The following PCLO variants were observed in gnomAD, a reference collection of about 807,000 sequenced individuals.
PCLO encodes the protein protein piccolo.
In PCLO, 82 loss-of-function variants were observed where a neutral mutation model predicts 427.5. The ratio of observed to expected loss-of-function variants is 0.19; its 90% CI spans 0.16 to 0.23. The LOEUF is 0.23. PCLO is among the 10% of genes least tolerant of loss of function. PCLO has a pLI of 1.00. For synonymous variants in PCLO, 2,357 were observed against 2,155.4 expected (o/e 1.09, Z -2.59); for missense variants, 6,239 against 6,115.9 (o/e 1.02, Z -0.67).
intron 10 of PCLO, among the ~76,000 whole-genome samples, chr7:82,876,455 T>TACACACACACACAC (rs35270740): frequency 0.024 from 3,448 of 143,134 alleles, 149 homozygotes; most frequent in African/African-American, 0.086. Context: ...AAAACAAGTA[T>TACACACACACACAC]ACACACACAC....
intron 10 of PCLO, among the ~76,000 whole-genome samples, chr7:82,866,489 A>C (rs1793096085): frequency 6.6e-6 from 1 of 152,124 alleles, no homozygotes; most frequent in Non-Finnish European, 1.5e-5. Flanking sequence ...ACTAAAAAAA[A>C]CTTTGAAAAA....
chr7:83,079,122 T>C (rs1046816508), intron 3 of PCLO, among the ~76,000 whole-genome samples: 1 of 152,066 alleles, frequency 6.6e-6, no homozygotes, highest in African/African-American at 2.4e-5. Flanking sequence ...ATCAGAGCCA[T>C]ATATATGGAG....
chr7:83,115,782 C>T (rs1342264777), intron 3 of PCLO, among the ~76,000 whole-genome samples: 3 of 151,988 alleles, frequency 2.0e-5, no homozygotes, highest in Admixed American at 6.6e-5. Context: ...CTTGCCAGTA[C>T]TCCTTACTTT....
intron 3 of PCLO, among the ~76,000 whole-genome samples, chr7:82,977,178 A>G (rs1310944462): frequency 6.6e-6 from 1 of 151,990 alleles, no homozygotes; most frequent in African/African-American, 2.4e-5. Context: ...TTTCAATAAC[A>G]TCCTATTATA....
chr7:82,827,352 G>C (rs942571910), intron 17 of PCLO, among the ~76,000 whole-genome samples: 2 of 151,970 alleles, frequency 1.3e-5, no homozygotes, highest in Non-Finnish European at 2.9e-5. Flanking sequence ...TATCTCTGGT[G>C]ATAATCCTTT....
chr7:82,848,194 G>A (rs962637148), intron 10 of PCLO, among the ~76,000 whole-genome samples: 1 of 151,604 alleles, frequency 6.6e-6, no homozygotes, highest in Non-Finnish European at 1.5e-5. Flanking sequence ...TGTGAACTGG[G>A]TACAGTAGAT....
chr7:82,778,379 CAG>C (rs1449827582), intron 22 of PCLO, among the ~76,000 whole-genome samples: 1 of 152,126 alleles, frequency 6.6e-6, no homozygotes, highest in African/African-American at 2.4e-5. Flanking sequence ...GACCTTAAAA[CAG>C]AACTATCATT....
chr7:82,795,019 T>C (rs902729117), intron 22 of PCLO, among the ~76,000 whole-genome samples: 2 of 152,140 alleles, frequency 1.3e-5, no homozygotes, highest in African/African-American at 4.8e-5. Flanking sequence ...CTTAGGAAAT[T>C]GCCCCTCATA....
In PCLO at chr7:82,956,520, G is replaced by A. The variant is rs190809054; in HGVS notation, c.4433C>T (p.Thr1478Ile). 1.9e-6 allele frequency: 3 copies of A among 1,612,514 alleles called. No individual in the cohort carries two copies. The highest frequency in any genetic ancestry group is 2.5e-6 in the Non-Finnish European group (3 of 1,179,614). ...IKESQEERKD[T>I]FKKDSQQDIP... ...ATCTTGTTGGCTATCTTTTTTAAAA[G>A]TGTCTTTCCTTTCTTCTTGACTCTC... is the stretch of plus-strand genomic sequence containing the variant. Residue 1478 changes from threonine (T) to isoleucine (I), a missense_variant, in exon 5 of 25, where the codon ACT becomes ATT. Transcript: ENST00000333891.
intron 10 of PCLO, among the ~76,000 whole-genome samples, chr7:82,875,947 C>G (rs1317833476): frequency 6.6e-6 from 1 of 151,992 alleles, no homozygotes; most frequent in African/African-American, 2.4e-5. Context: ...AGAGTACACT[C>G]TAAGAATTCT....
At chr7:82,808,850 C>G (rs1194393906) in intron 20 of PCLO, among the ~76,000 whole-genome samples, 1 of 151,766 alleles carries the variant, frequency 6.6e-6, no homozygotes, top group Admixed American at 6.6e-5. Flanking sequence ...AGATATATAG[C>G]CTCACATTTG....
chr7:82,895,219 A>T (rs1793872656), intron 9 of PCLO, among the ~76,000 whole-genome samples: 1 of 152,044 alleles, frequency 6.6e-6, no homozygotes, highest in South Asian at 2.1e-4. Flanking sequence ...ATGTAAAAAC[A>T]TGTTTCTAAA....
chr7:82,931,919 A>T (rs977430287), intron 6 of PCLO, among the ~76,000 whole-genome samples: 1 of 152,114 alleles, frequency 6.6e-6, no homozygotes, highest in Non-Finnish European at 1.5e-5. Flanking sequence ...ATGTAACATG[A>T]ATTGATTTTA....
In PCLO at chr7:82,841,477, T is replaced by G. The variant is rs1307713334; in HGVS notation, c.14079A>C (p.Pro4693=). 12 of 1,599,714 alleles carry G rather than the reference T, an allele frequency of 7.5e-6. No individual in the cohort carries two copies. Among genetic ancestry groups the G allele is most frequent in the Non-Finnish European group, 1.0e-5 (12 of 1,167,688 alleles). ...TTCATACCTGAATTTCTCCTGTAAT[T>G]GGATGAGAGACAACCTTTGTTCCAT... ...PTDGTKVVSH[P]ITGEIQLQIN... The change falls in exon 14 of 25, where the codon CCA becomes CCC. Residue 4693 remains proline (P), a synonymous_variant. Transcript: ENST00000333891.
At chr7:83,073,882 A>C (rs1760011151) in intron 3 of PCLO, among the ~76,000 whole-genome samples, 1 of 151,372 alleles carries the variant, frequency 6.6e-6, no homozygotes, top group Non-Finnish European at 1.5e-5. Context: ...CTATATGTGG[A>C]GATTCCAGGT....
chr7:82,854,482 T>A (rs1792750105), intron 10 of PCLO, among the ~76,000 whole-genome samples: 2 of 152,134 alleles, frequency 1.3e-5, no homozygotes, highest in South Asian at 4.1e-4. Context: ...TCATTAAAAA[T>A]TTTAATGCAA....
chr7:82,920,808 G>A (rs1433733979), intron 6 of PCLO, among the ~76,000 whole-genome samples: 1 of 151,656 alleles, frequency 6.6e-6, no homozygotes, highest in East Asian at 1.9e-4. Flanking sequence ...TTAATTCATT[G>A]TCAGAATTCT....
rs1237714973 is a variant in PCLO at position 82,916,320 on chromosome 7, T to A, written c.11666A>T (p.Gln3889Leu). 1.2e-6 allele frequency: 2 copies of A among 1,613,634 alleles called. No individual in the cohort carries two copies. Among genetic ancestry groups the A allele is most frequent in the Non-Finnish European group, 1.7e-6 (2 of 1,179,700 alleles). ...GGTAGGAAGAGCAGGGGAAGAGTACTGGTATTGTGTGTAAGGACTTGTCGG... is the reference window on the plus strand; with the variant it reads ...GGTAGGAAGAGCAGGGGAAGAGTACAGGTATTGTGTGTAAGGACTTGTCGG... The part of the protein sequence containing the change: ...VPPTSPYTQY[Q>L]YSSPALPTQA... The change falls in exon 7 of 25, where the codon CAG (glutamine) becomes CTG (leucine). Residue 3889 changes from glutamine (Q) to leucine (L), a missense_variant. This residue lies in a region of PCLO where 680 missense variants were observed against 677.3 expected (regional missense o/e 1.00). Coordinates refer to ENST00000333891, the MANE Select transcript of PCLO (RefSeq NM_033026.6).
At chr7:83,153,850 G>T (rs1209065139) in intron 2 of PCLO, among the ~76,000 whole-genome samples, 1 of 151,538 alleles carries the variant, frequency 6.6e-6, no homozygotes, top group Non-Finnish European at 1.5e-5. Context: ...TAATGCCAGA[G>T]AATTTCTGAG....
Sources: gnomAD v4.1 joint callset for allele counts (sites outside exome capture counted in the v4.1 genomes callset) on GRCh38, gnomAD v4.1.1 for gene constraint, gnomAD v4.1.1 regional missense constraint, MANE v1.5 for transcripts, NCBI Gene and HGNC (gene_info 2026-07-23, HGNC 2026-07-21) for gene names.